PRKN: variants seen among roughly 807,000 people sequenced by gnomAD.
PRKN encodes the protein parkin RBR E3 ubiquitin protein ligase, also known as E3 ubiquitin-protein ligase parkin.
A neutral mutation model predicts 59.5 loss-of-function variants in PRKN; 56 were observed. The ratio of observed to expected loss-of-function variants is 0.94; its 90% CI spans 0.76 to 1.18. The LOEUF (loss-of-function observed/expected upper bound fraction) is 1.18. PRKN is among the 50% of genes most tolerant of loss of function. The pLI is 0.00. For missense variants in PRKN, 657 were observed against 596.4 expected (o/e 1.10, Z -1.06); for synonymous variants, 250 against 222.1 (o/e 1.13, Z -1.12).
chr6:161,476,482 C>T (rs1239058062), intron 9 of PRKN, among the ~76,000 whole-genome samples: 2 of 152,150 alleles, frequency 1.3e-5, no homozygotes, highest in Non-Finnish European at 2.9e-5. Context: ...AACTCAGACA[C>T]TTAAGACACT....
At chr6:161,915,055 C>A (rs2128237763) in intron 6 of PRKN, among the ~76,000 whole-genome samples, 1 of 152,262 alleles carries the variant, frequency 6.6e-6, no homozygotes, top group Non-Finnish European at 1.5e-5. Context: ...GAGGCTGAGA[C>A]AGGTGGATCA....
chr6:162,380,315 G>C (rs1028822754), intron 2 of PRKN, among the ~76,000 whole-genome samples: 4 of 150,748 alleles, frequency 2.7e-5, no homozygotes, highest in African/African-American at 9.7e-5. Flanking sequence ...TGAATACATG[G>C]GTGTTGGTAT....
At chr6:162,605,238 T>TTAAC (rs34046718) in intron 1 of PRKN, among the ~76,000 whole-genome samples, 1 of 152,090 alleles carries the variant, frequency 6.6e-6, no homozygotes. Flanking sequence ...ATAGAGAAGA[T>TTAAC]TAACTAACTA....
chr6:161,838,208 T>C (rs1792840394), intron 6 of PRKN, among the ~76,000 whole-genome samples: 1 of 152,238 alleles, frequency 6.6e-6, no homozygotes. Flanking sequence ...TAAGTATTAT[T>C]ACAATATTTA....
At chr6:162,533,988 A>AAAAG (rs71004099) in intron 1 of PRKN, among the ~76,000 whole-genome samples, 10,255 of 143,446 alleles carry the variant, frequency 0.071, 532 homozygotes, top group South Asian at 0.16. Flanking sequence ...AAAAAAAAAA[A>AAAAG]GAGATATGAA....
At chr6:162,309,137 T>G (rs141033407) in intron 2 of PRKN, among the ~76,000 whole-genome samples, 1 of 152,132 alleles carries the variant, frequency 6.6e-6, no homozygotes, top group Non-Finnish European at 1.5e-5. Flanking sequence ...CCTCAGAGAT[T>G]GTAGCAAATC....
intron 1 of PRKN, among the ~76,000 whole-genome samples, chr6:162,670,462 T>C (rs1375534058): frequency 6.6e-6 from 1 of 152,170 alleles, no homozygotes; most frequent in African/African-American, 2.4e-5. Flanking sequence ...TCACCTCCAG[T>C]CTGCCTGCAG....
chr6:162,085,255 T>C (rs1359823994), intron 4 of PRKN, among the ~76,000 whole-genome samples: 1 of 151,396 alleles, frequency 6.6e-6, no homozygotes, highest in African/African-American at 2.4e-5. Flanking sequence ...AGATAAGGAA[T>C]TACCCCTACC....
chr6:161,837,575 T>TAA (rs550173775), intron 6 of PRKN, among the ~76,000 whole-genome samples: 24 of 137,094 alleles, frequency 1.8e-4, no homozygotes, highest in African/African-American at 4.8e-4. Context: ...TTTTTTCCTT[T>TAA]AAAAAAAAAA....
chr6:162,446,262 T>A (rs187615708), intron 1 of PRKN, among the ~76,000 whole-genome samples: 2 of 152,140 alleles, frequency 1.3e-5, no homozygotes, highest in Non-Finnish European at 2.9e-5. Flanking sequence ...CTAAATTTCA[T>A]TTTCTACTAG....
intron 2 of PRKN, among the ~76,000 whole-genome samples, chr6:162,306,249 T>C (rs954247633): frequency 5.9e-5 from 9 of 152,150 alleles, no homozygotes; most frequent in Admixed American, 5.9e-4. Flanking sequence ...ACTGAGGGTG[T>C]CGGGTAATTT....
At chr6:161,845,923 G>C (rs1427276382) in intron 6 of PRKN, among the ~76,000 whole-genome samples, 1 of 152,178 alleles carries the variant, frequency 6.6e-6, no homozygotes, top group African/African-American at 2.4e-5. Flanking sequence ...GAGTTTAATG[G>C]ACACCGTGTG....
intron 1 of PRKN, among the ~76,000 whole-genome samples, chr6:162,494,448 C>A (rs1057147137): frequency 5.9e-5 from 9 of 151,714 alleles, no homozygotes; most frequent in Non-Finnish European, 8.9e-5. Context: ...CTCTCCCCCA[C>A]TTCATATCAA....
chr6:162,070,737 C>T (rs1485730748), intron 4 of PRKN, among the ~76,000 whole-genome samples: 1 of 152,164 alleles, frequency 6.6e-6, no homozygotes, highest in Non-Finnish European at 1.5e-5. Context: ...AGATCCCCCA[C>T]ATGCACAGTT....
chr6:162,318,187 T>A lies in PRKN; in HGVS notation c.172-55422A>T, dbSNP rs191166858. ...CATACGATATTTCTGTGTGACTGCT[T>A]ATTTCACTTCGAATATTTTCCGAGT... is the stretch of plus-strand genomic sequence containing the variant. On this transcript the variant is annotated intron_variant, in intron 2 of 11. Coordinates refer to ENST00000366898, the MANE Select transcript of PRKN (RefSeq NM_004562.3). Among the ~76,000 whole-genome samples, 7 of 152,270 alleles carry A rather than the reference T, an allele frequency of 4.6e-5. No individual in the cohort carries two copies. In the East Asian group the frequency reaches 1.4e-3, roughly 30 times the overall value.
At chr6:162,706,214 G>A (rs1351750022) in intron 1 of PRKN, among the ~76,000 whole-genome samples, 8 of 150,676 alleles carry the variant, frequency 5.3e-5, no homozygotes, top group African/African-American at 1.7e-4. Flanking sequence ...ATGAATTAAA[G>A]AGGCAAATGA....
Position 161,352,771 on chromosome 6 carries a change from A to ATATATATATATATATATT in PRKN, c.1286-2561_1286-2560insAATATATATATATATATA, listed in dbSNP as rs34279714. On this transcript the variant is annotated intron_variant, in intron 11 of 11. Transcript: ENST00000366898. This position sits in a 1 kb window ranked among gnomAD's most constrained non-coding sequence, Gnocchi z 5.8. ...TGTGTGTGTGTATATATATATATAT[A>ATATATATATATATATATT]TTTTATTTTATTTTATTTTATTTTT... Among the ~76,000 whole-genome samples the ATATATATATATATATATT allele has an allele frequency of 8.6e-6, 1 of 116,900 alleles. No homozygotes were observed. Among genetic ancestry groups the ATATATATATATATATATT allele is most frequent in the Non-Finnish European group, 2.0e-5 (1 of 50,488 alleles). 76.7% of individuals were successfully genotyped at this position (116,900 alleles called of 152,430 possible).
chr6:161,951,933 A>G (rs1273281677), intron 6 of PRKN, among the ~76,000 whole-genome samples: 1 of 150,248 alleles, frequency 6.7e-6, no homozygotes, highest in African/African-American at 2.5e-5. Flanking sequence ...AAAAAAAAAG[A>G]AAGGAAGAAG....
intron 7 of PRKN, among the ~76,000 whole-genome samples, chr6:161,679,224 T>A (rs1434594097): frequency 6.6e-6 from 1 of 152,192 alleles, no homozygotes; most frequent in African/African-American, 2.4e-5. Flanking sequence ...GAGTAGCTAC[T>A]GCAGCTTCGG....
Sources: gnomAD v4.1 joint callset for allele counts (sites outside exome capture counted in the v4.1 genomes callset) on GRCh38, gnomAD v4.1.1 for gene constraint, Gnocchi (gnomAD v3.1) non-coding constraint, MANE v1.5 for transcripts, NCBI Gene and HGNC (gene_info 2026-07-23, HGNC 2026-07-21) for gene names.